The following GABPA variants were observed in gnomAD, a reference collection of about 807,000 sequenced individuals.
GABPA encodes the protein GA binding protein transcription factor subunit alpha.
In GABPA, 4 loss-of-function variants were observed where a neutral mutation model predicts 59.4. That is an observed-to-expected ratio of 0.07 (90% CI 0.03 to 0.15). GABPA has a LOEUF of 0.15. Ranked by LOEUF, GABPA falls within the 10% of genes least tolerant of loss-of-function variation. The pLI, the probability that GABPA is intolerant of heterozygous loss-of-function variation, is 1.00. For missense variants in GABPA, 251 were observed against 543.8 expected, an observed-to-expected ratio of 0.46 and a Z score of 5.36; for synonymous variants, 164 against 183.1, an observed-to-expected ratio of 0.90 and a Z score of 0.84.
At chr21:25,762,289 CAA>C (rs2035782498) in intron 6 of GABPA, 21 bp from the exon 7 acceptor site, 3 of 1,435,658 alleles carry the variant, frequency 2.1e-6, no homozygotes, top group African/African-American at 2.9e-5. Context: ...TAAATAAAAA[CAA>C]AAAATTTTTG....
Position 25,758,044 on chromosome 21 carries a change from T to G in GABPA, c.588T>G (p.His196Gln). ...PIQWSTDQVL[H>Q]WVVWVMKEFS... ...AGTGGTCCACAGACCAAGTCCTGCA[T>G]TGGGTGGTTTGGGTAATGAAGGAAT... Residue 196 changes from histidine to glutamine, a missense_variant, in exon 6 of 10, where the codon CAT (histidine) becomes CAG (glutamine). This residue lies in a region of GABPA where 207 missense variants were observed against 366.7 expected (regional missense o/e 0.56). Transcript: ENST00000400075. 1 of 1,599,114 alleles carries G rather than the reference T, an allele frequency of 6.3e-7. No individual in the cohort carries two copies. The highest frequency in any genetic ancestry group is 8.5e-7 in the Non-Finnish European group (1 of 1,174,864).
intron 5 of GABPA, among the ~76,000 whole-genome samples, chr21:25,755,432 T>TAAA (rs968729001): frequency 1.2e-5 from 1 of 85,778 alleles, no homozygotes; most frequent in Non-Finnish European, 2.5e-5. Flanking sequence ...CAAGACTGTC[T>TAAA]AAAAAAAAAA....
intron 5 of GABPA, among the ~76,000 whole-genome samples, chr21:25,754,247 T>A (rs1036632745): frequency 6.6e-5 from 10 of 151,870 alleles, no homozygotes; most frequent in African/African-American, 2.2e-4. Flanking sequence ...ACTTTTTAAA[T>A]GTAACTATTA....
At chr21:25,754,059 A>G (rs1386491206) in intron 5 of GABPA, among the ~76,000 whole-genome samples, 1 of 152,208 alleles carries the variant, frequency 6.6e-6, no homozygotes, top group Non-Finnish European at 1.5e-5. Flanking sequence ...TGTAGCCACT[A>G]ATCACACGTC....
rs1176751205 is a variant in GABPA at position 25,770,796 on chromosome 21, G to A, written c.*1564G>A. 1 of 152,090 alleles carries A rather than the reference G, an allele frequency of 6.6e-6. No homozygotes were observed. Among genetic ancestry groups the A allele is most frequent in the Admixed American group, 6.5e-5 (1 of 15,270 alleles). 9.4% of individuals were successfully genotyped at this position (152,090 alleles called of 1,614,324 possible). A position where few individuals can be genotyped will look rare whatever the true frequency, so the allele number is the denominator to read the frequency against. ...TTAAGGACAAGGAAGAGAAGAGAGA[G>A]AGGGAGGGATCTTTGATCTCTTTCT... On this transcript the variant is annotated 3_prime_UTR_variant, in exon 10 of 10. Coordinates refer to ENST00000400075, the MANE Select transcript of GABPA (RefSeq NM_002040.4).
chr21:25,759,942 C>G (rs71651625), intron 6 of GABPA, among the ~76,000 whole-genome samples: 214 of 152,322 alleles, frequency 1.4e-3, no homozygotes, highest in Non-Finnish European at 2.3e-3. Flanking sequence ...TTCTGGTTCT[C>G]TTATTGCTTC....
At chr21:25,761,485 G>C (rs560905217) in intron 6 of GABPA, among the ~76,000 whole-genome samples, 1 of 152,112 alleles carries the variant, frequency 6.6e-6, no homozygotes, top group Non-Finnish European at 1.5e-5. Context: ...CCAGCTCTGC[G>C]TGTCTGGAAC....
intron 1 of GABPA, among the ~76,000 whole-genome samples, chr21:25,737,398 A>G (rs1376996155): frequency 1.3e-5 from 2 of 152,254 alleles, no homozygotes; most frequent in Non-Finnish European, 2.9e-5. Flanking sequence ...CTAAGCATAG[A>G]GAACCAGGAG....
At chr21:25,747,253 CT>C (rs771970815) in intron 3 of GABPA, among the ~76,000 whole-genome samples, 3 of 152,140 alleles carry the variant, frequency 2.0e-5, no homozygotes, top group Non-Finnish European at 2.9e-5. Context: ...TGGACTTTGC[CT>C]GGTTTTGCTC....
chr21:25,759,168 A>G (rs2035707945), intron 6 of GABPA, among the ~76,000 whole-genome samples: 1 of 152,174 alleles, frequency 6.6e-6, no homozygotes, highest in African/African-American at 2.4e-5. Context: ...TCCATCTTAT[A>G]TTTCAGTCAC....
chr21:25,757,911 G>T lies in GABPA; in HGVS notation c.554-99G>T, dbSNP rs148790365. Reference sequence around the variant, plus strand: ...AGTTTACCTCATATACTTGGGGAAAGAAAACATCTGTGTGTATGTGTGTGT... The same window carrying T: ...AGTTTACCTCATATACTTGGGGAAATAAAACATCTGTGTGTATGTGTGTGT... On this transcript the variant is annotated intron_variant, in intron 5 of 9. Transcript: ENST00000400075. 3.8e-3 allele frequency: 1,135 copies of T among 300,796 alleles called. 1 individual carries two copies. The highest frequency in any genetic ancestry group is 5.9e-3 in the Non-Finnish European group (981 of 167,354). The allele number at this position is 300,796 out of a possible 1,614,324, so 18.6% of individuals were successfully genotyped here.
chr21:25,739,116 A>G (rs2035154367), intron 1 of GABPA, among the ~76,000 whole-genome samples: 1 of 152,240 alleles, frequency 6.6e-6, no homozygotes, highest in East Asian at 1.9e-4. Flanking sequence ...TTACCCTTTT[A>G]TTGTTCGTCC....
intron 5 of GABPA, among the ~76,000 whole-genome samples, chr21:25,755,979 A>G (rs530959816): frequency 2.0e-5 from 3 of 152,162 alleles, no homozygotes; most frequent in Non-Finnish European, 2.9e-5. Context: ...CACTCTGCTT[A>G]TTGTCTTCAA....
chr21:25,754,906 C>T (rs1298052105), intron 5 of GABPA, among the ~76,000 whole-genome samples: 1 of 151,510 alleles, frequency 6.6e-6, no homozygotes, highest in Non-Finnish European at 1.5e-5. Flanking sequence ...CAAAAATTAG[C>T]TGGGCGTGGT....
At chr21:25,761,598 A>G (rs2035768164) in intron 6 of GABPA, among the ~76,000 whole-genome samples, 1 of 152,210 alleles carries the variant, frequency 6.6e-6, no homozygotes, top group South Asian at 2.1e-4. Context: ...AGAGAGAGGC[A>G]TGCAATTTGT....
At chr21:25,752,729 G>A (rs533513442) in intron 5 of GABPA, among the ~76,000 whole-genome samples, 1 of 152,110 alleles carries the variant, frequency 6.6e-6, no homozygotes, top group South Asian at 2.1e-4. Context: ...AGTGGTTAAG[G>A]AGTTACTCTG....
Position 25,770,485 on chromosome 21 carries a change from T to G in GABPA, c.*1253T>G, listed in dbSNP as rs1277154164. The G allele has an allele frequency of 6.6e-6, 1 of 151,852 alleles. No homozygotes were observed. Among genetic ancestry groups the G allele is most frequent in the Non-Finnish European group, 1.5e-5 (1 of 67,854 alleles). The allele number at this position is 151,852 out of a possible 1,614,324, so 9.4% of individuals were successfully genotyped here. A position where few individuals can be genotyped will look rare whatever the true frequency, so the allele number is the denominator to read the frequency against. On this transcript the variant is annotated 3_prime_UTR_variant, in exon 10 of 10. Transcript: ENST00000400075. ...TAAACAAAAATGGCTAGAAATGTCT[T>G]TTTCTTTCTTTTCTCTCTTTGTTGT...
chr21:25,749,103 A>G lies in GABPA; in HGVS notation c.290A>G (p.Gln97Arg), dbSNP rs779165314. 3.2e-6 allele frequency: 5 copies of G among 1,585,082 alleles called. No homozygotes were observed. Among genetic ancestry groups the G allele is most frequent in the Non-Finnish European group, 4.3e-6 (5 of 1,159,132 alleles). ...KTDGTVQLSVQVISYQGIEPK... is the reference protein window; with the variant it reads ...KTDGTVQLSVRVISYQGIEPK... Reference sequence around the variant, plus strand: ...GATGGAACTGTACAGCTTAGTGTACAGGTAATTTCTTACCAAGGTAAGTTA... The same window carrying G: ...GATGGAACTGTACAGCTTAGTGTACGGGTAATTTCTTACCAAGGTAAGTTA... Residue 97 changes from glutamine (Q) to arginine (R), a missense_variant, in exon 4 of 10, where the codon CAG becomes CGG. Coordinates refer to ENST00000400075, the MANE Select transcript of GABPA (RefSeq NM_002040.4).
chr21:25,737,034 T>C (rs1217602238), intron 1 of GABPA, among the ~76,000 whole-genome samples: 1 of 152,238 alleles, frequency 6.6e-6, no homozygotes, highest in Non-Finnish European at 1.5e-5. Flanking sequence ...CTCAAATTTA[T>C]CTGTAGTTTC....
Sources: gnomAD v4.1 joint callset for allele counts (sites outside exome capture counted in the v4.1 genomes callset) on GRCh38, gnomAD v4.1.1 for gene constraint, gnomAD v4.1.1 regional missense constraint, MANE v1.5 for transcripts, NCBI Gene and HGNC (gene_info 2026-07-23, HGNC 2026-07-21) for gene names.